The following IL1RAPL1 variants were observed in gnomAD, a reference collection of about 807,000 sequenced individuals.
IL1RAPL1 encodes the protein interleukin-1 receptor accessory protein-like 1.
In IL1RAPL1, 3 loss-of-function variants were observed where a neutral mutation model predicts 48.4. The observed-to-expected ratio is 0.06, with a 90% CI of 0.03 to 0.16. The LOEUF is 0.16. Ranked by LOEUF, IL1RAPL1 falls within the 10% of genes least tolerant of loss-of-function variation. The probability of loss-of-function intolerance (pLI) is 1.00; values close to 1 mark genes in which losing one functional copy is unlikely to be tolerated. For synonymous variants in IL1RAPL1, 185 were observed against 187.7 expected, an observed-to-expected ratio of 0.99 and a Z score of 0.12; for missense variants, 349 against 530.6, an observed-to-expected ratio of 0.66 and a Z score of 3.36.
chrX:28,652,191 G>A (rs2146904323), intron 1 of IL1RAPL1, among the ~76,000 whole-genome samples: 1 of 111,391 alleles, frequency 9.0e-6, no homozygotes, highest in East Asian at 2.8e-4. Flanking sequence ...TCTTCTAAGG[G>A]CAGTGATTAA....
chrX:29,853,552 T>A (rs1931418722), intron 6 of IL1RAPL1, among the ~76,000 whole-genome samples: 1 of 111,509 alleles, frequency 9.0e-6, no homozygotes, highest in Non-Finnish European at 1.9e-5. Flanking sequence ...ATGCTTTTTT[T>A]TTCTTTTTTT....
intron 3 of IL1RAPL1, among the ~76,000 whole-genome samples, chrX:29,313,253 C>CTGTGTGTGTG (rs35894909): frequency 1.1e-5 from 1 of 90,797 alleles, no homozygotes; most frequent in East Asian, 3.3e-4. Context: ...ACATACAAGC[C>CTGTGTGTGTG]TGTGTGTGTG....
chrX:28,714,927 G>C (rs1935485442), intron 1 of IL1RAPL1, among the ~76,000 whole-genome samples: 1 of 111,668 alleles, frequency 9.0e-6, no homozygotes, highest in Non-Finnish European at 1.9e-5. Flanking sequence ...AAAAGACTTA[G>C]ACTCCCACAC....
intron 6 of IL1RAPL1, among the ~76,000 whole-genome samples, chrX:29,916,095 C>A (rs1356303138): frequency 1.0e-5 from 1 of 99,258 alleles, no homozygotes; most frequent in Non-Finnish European, 2.0e-5. Context: ...TTTTTTATGG[C>A]TGCATAGTAT....
intron 5 of IL1RAPL1, among the ~76,000 whole-genome samples, chrX:29,484,498 G>A (rs1370698511): frequency 2.7e-5 from 3 of 111,631 alleles, no homozygotes; most frequent in South Asian, 3.7e-4. Context: ...CACAATAAAC[G>A]AGCAAAAAAT....
At chrX:29,403,095 C>T (rs866163404) in intron 5 of IL1RAPL1, among the ~76,000 whole-genome samples, 2 of 111,786 alleles carry the variant, frequency 1.8e-5, no homozygotes, top group African/African-American at 6.5e-5. Flanking sequence ...AGGTTATGTT[C>T]CACCTCTCTG....
At chrX:29,272,639 G>T (rs1932060424) in intron 2 of IL1RAPL1, among the ~76,000 whole-genome samples, 1 of 110,831 alleles carries the variant, frequency 9.0e-6, no homozygotes, top group Non-Finnish European at 1.9e-5. Context: ...TTTGGGGATG[G>T]TCGTTTTGTA....
At chrX:28,984,384 G>C (rs746039246) in intron 2 of IL1RAPL1, among the ~76,000 whole-genome samples, 1 of 111,790 alleles carries the variant, frequency 8.9e-6, no homozygotes, top group African/African-American at 3.2e-5. Context: ...TATTAGGCCA[G>C]TGTCACACTA....
At chrX:29,639,574 T>C (rs1172428445) in intron 5 of IL1RAPL1, among the ~76,000 whole-genome samples, 1 of 102,473 alleles carries the variant, frequency 9.8e-6, no homozygotes, top group African/African-American at 3.6e-5. Flanking sequence ...TTTTAAAGCC[T>C]GAATACACAA....
At chrX:29,131,742 A>G (rs1260487085) in intron 2 of IL1RAPL1, among the ~76,000 whole-genome samples, 1 of 111,846 alleles carries the variant, frequency 8.9e-6, no homozygotes, top group African/African-American at 3.3e-5. Context: ...CAATTCTGAT[A>G]TGCACTAAAG....
intron 1 of IL1RAPL1, among the ~76,000 whole-genome samples, chrX:28,783,588 T>C (rs1423908178): frequency 8.9e-6 from 1 of 111,739 alleles, no homozygotes; most frequent in Non-Finnish European, 1.9e-5. Context: ...AAACTTGTTT[T>C]CGATGATCTA....
intron 1 of IL1RAPL1, among the ~76,000 whole-genome samples, chrX:28,642,894 ATT>A (rs1171717621): frequency 9.6e-6 from 1 of 104,285 alleles, no homozygotes; most frequent in East Asian, 3.0e-4. Flanking sequence ...TTTTGAAAAG[ATT>A]TTTTTTTTTT....
intron 5 of IL1RAPL1, among the ~76,000 whole-genome samples, chrX:29,646,989 T>C (rs2147088913): frequency 8.9e-6 from 1 of 112,250 alleles, no homozygotes; most frequent in African/African-American, 3.2e-5. Flanking sequence ...AAAAGAATGC[T>C]AGTGAGTAAC....
intron 6 of IL1RAPL1, among the ~76,000 whole-genome samples, chrX:29,772,798 A>G (rs1485761196): frequency 9.0e-6 from 1 of 111,181 alleles, no homozygotes; most frequent in Non-Finnish European, 1.9e-5. Context: ...TTCATTTCCA[A>G]CAGCGTTTAC....
chrX:28,849,017 A>C (rs903147331), intron 2 of IL1RAPL1, among the ~76,000 whole-genome samples: 3 of 110,876 alleles, frequency 2.7e-5, no homozygotes, highest in African/African-American at 9.8e-5. Context: ...TGATAGTATT[A>C]TTGTCTAAAA....
intron 9 of IL1RAPL1, among the ~76,000 whole-genome samples, chrX:29,942,564 G>A (rs866593658): frequency 2.7e-5 from 3 of 110,420 alleles, no homozygotes; most frequent in Admixed American, 1.9e-4. Flanking sequence ...CCAGCAAGAT[G>A]GGAAGCATAT....
chrX:29,688,269 A>T (rs188553515), intron 6 of IL1RAPL1, among the ~76,000 whole-genome samples: 14 of 111,065 alleles, frequency 1.3e-4, no homozygotes, highest in African/African-American at 4.3e-4. Context: ...TCTAGGAGAG[A>T]ATCTTTGCCT....
At chrX:29,391,122 TGAG>T (rs1933848142) in intron 3 of IL1RAPL1, among the ~76,000 whole-genome samples, 1 of 108,188 alleles carries the variant, frequency 9.2e-6, no homozygotes, top group Non-Finnish European at 1.9e-5. Flanking sequence ...TTCAGTGAGC[TGAG>T]ATTGCACCAT....
chrX:29,088,998 T>C (rs1203027592), intron 2 of IL1RAPL1, among the ~76,000 whole-genome samples: 2 of 111,312 alleles, frequency 1.8e-5, no homozygotes, highest in African/African-American at 6.5e-5. Context: ...CTGGAGAAAA[T>C]GAGAACAGTC....
Sources: gnomAD v4.1 joint callset for allele counts (sites outside exome capture counted in the v4.1 genomes callset) on GRCh38, gnomAD v4.1.1 for gene constraint, MANE v1.5 for transcripts, NCBI Gene and HGNC (gene_info 2026-07-23, HGNC 2026-07-21) for gene names.